ATP2C1: variants seen among roughly 807,000 people sequenced by gnomAD.
The protein encoded by ATP2C1 is calcium-transporting ATPase type 2C member 1.
Under a neutral mutation model 120.5 loss-of-function variants are expected in ATP2C1, and 31 were observed. That is an observed-to-expected ratio of 0.26 (90% CI 0.19 to 0.35). ATP2C1 has a LOEUF of 0.35. Ranked by LOEUF, ATP2C1 falls within the 10% of genes least tolerant of loss-of-function variation. The pLI is 1.00. For synonymous variants in ATP2C1, 351 were observed against 358.7 expected (o/e 0.98, Z 0.24); for missense variants, 731 against 1,107.5 (o/e 0.66, Z 4.83).
At chr3:131,013,214 C>T (rs2109044906) in intron 26 of ATP2C1, among the ~76,000 whole-genome samples, 1 of 152,288 alleles carries the variant, frequency 6.6e-6, no homozygotes, top group East Asian at 1.9e-4. Flanking sequence ...GCAGTATTTT[C>T]CAGAGCAGTA....
chr3:130,859,405 A>G (rs759633067), intron 1 of ATP2C1, among the ~76,000 whole-genome samples: 3 of 152,208 alleles, frequency 2.0e-5, no homozygotes, highest in Non-Finnish European at 2.9e-5. Flanking sequence ...CCACTTAACT[A>G]CTTCTAATCC....
chr3:130,977,595 C>T (rs747473035), intron 18 of ATP2C1, among the ~76,000 whole-genome samples: 1 of 152,132 alleles, frequency 6.6e-6, no homozygotes, highest in Non-Finnish European at 1.5e-5. Flanking sequence ...GTTTTCCTAC[C>T]TCATTATATT....
At chr3:130,982,075 T>C (rs1404891455) in intron 20 of ATP2C1, among the ~76,000 whole-genome samples, 3 of 152,202 alleles carry the variant, frequency 2.0e-5, no homozygotes, top group Non-Finnish European at 4.4e-5. Context: ...GCTTTTGATA[T>C]CTCAGAACTC....
chr3:130,908,985 T>G (rs1031174910), intron 2 of ATP2C1, among the ~76,000 whole-genome samples: 4 of 152,152 alleles, frequency 2.6e-5, no homozygotes, highest in African/African-American at 9.7e-5. Context: ...AGTTTTTAAT[T>G]TATCAAATGA....
chr3:131,000,949 G>A (rs1035497217), intron 27 of ATP2C1, among the ~76,000 whole-genome samples: 7 of 151,334 alleles, frequency 4.6e-5, no homozygotes, highest in Non-Finnish European at 7.4e-5. Flanking sequence ...CTAAAAATAC[G>A]AACATTAGCC....
chr3:130,916,553 CT>C (rs934809164), intron 2 of ATP2C1, among the ~76,000 whole-genome samples: 6 of 151,928 alleles, frequency 3.9e-5, no homozygotes, highest in Non-Finnish European at 7.4e-5. Context: ...TTTCTTTCTT[CT>C]TTTTTTCTTT....
chr3:130,960,446 C>T (rs765974563), intron 12 of ATP2C1, among the ~76,000 whole-genome samples: 16 of 152,140 alleles, frequency 1.1e-4, no homozygotes, highest in Non-Finnish European at 2.2e-4. Context: ...CTGCAAAGGA[C>T]ATGTCTAGTT....
At chr3:130,902,026 C>T (rs2057856228) in intron 2 of ATP2C1, among the ~76,000 whole-genome samples, 1 of 151,962 alleles carries the variant, frequency 6.6e-6, no homozygotes, top group African/African-American at 2.4e-5. Context: ...TTTTTTAGCC[C>T]CAGATGTCAA....
intron 2 of ATP2C1, among the ~76,000 whole-genome samples, chr3:130,915,741 A>T (rs556606036): frequency 1.3e-5 from 2 of 152,278 alleles, no homozygotes; most frequent in South Asian, 4.1e-4. Context: ...TAGGGTATGG[A>T]GTGTGCAGGC....
At chr3:130,865,717 A>G (rs2068153349) in intron 1 of ATP2C1, among the ~76,000 whole-genome samples, 1 of 152,162 alleles carries the variant, frequency 6.6e-6, no homozygotes, top group Non-Finnish European at 1.5e-5. Context: ...TGTTGCTGCC[A>G]CCATGTAAGA....
intron 2 of ATP2C1, among the ~76,000 whole-genome samples, chr3:130,898,378 A>G (rs778642596): frequency 4.6e-5 from 7 of 152,198 alleles, no homozygotes; most frequent in Non-Finnish European, 7.4e-5. Context: ...TTGCATTACT[A>G]TAGTTGGAGA....
intron 1 of ATP2C1, among the ~76,000 whole-genome samples, chr3:130,870,756 A>T (rs2068403248): frequency 6.6e-6 from 1 of 152,202 alleles, no homozygotes; most frequent in Non-Finnish European, 1.5e-5. Context: ...TGAAATGATG[A>T]CAAAGGATTT....
intron 2 of ATP2C1, among the ~76,000 whole-genome samples, chr3:130,920,554 C>A (rs553044826): frequency 1.3e-5 from 2 of 152,208 alleles, no homozygotes; most frequent in Non-Finnish European, 1.5e-5. Context: ...TATGCCAATA[C>A]CATACTGTTT....
At chr3:131,015,016 G>A (rs899210338) in intron 26 of ATP2C1, among the ~76,000 whole-genome samples, 2 of 152,146 alleles carry the variant, frequency 1.3e-5, no homozygotes, top group African/African-American at 4.8e-5. Context: ...GTTTTAAAAG[G>A]ATTTGTGGTA....
intron 27 of ATP2C1, among the ~76,000 whole-genome samples, chr3:130,999,994 T>C (rs2062811898): frequency 6.6e-6 from 1 of 152,218 alleles, no homozygotes; most frequent in Non-Finnish European, 1.5e-5. Context: ...TTAATCTCCC[T>C]GAAAACCAAG....
At chr3:130,880,005 A>G (rs553270070) in intron 1 of ATP2C1, among the ~76,000 whole-genome samples, 1 of 151,954 alleles carries the variant, frequency 6.6e-6, no homozygotes, top group East Asian at 1.9e-4. Flanking sequence ...TGGTCCTTTA[A>G]CCCCTATTTG....
intron 2 of ATP2C1, among the ~76,000 whole-genome samples, chr3:130,913,685 T>C (rs1425201435): frequency 2.0e-5 from 3 of 152,176 alleles, no homozygotes; most frequent in Non-Finnish European, 4.4e-5. Context: ...AGTTTGCTTT[T>C]GGTTAAAAAG....
At chr3:130,879,349 G>A (rs1486575597) in intron 1 of ATP2C1, among the ~76,000 whole-genome samples, 1 of 152,130 alleles carries the variant, frequency 6.6e-6, no homozygotes, top group Non-Finnish European at 1.5e-5. Context: ...TTACAGGTGT[G>A]AATCACCATG....
At chr3:130,885,689 CTA>C (rs745387883) in intron 1 of ATP2C1, among the ~76,000 whole-genome samples, 44 of 151,972 alleles carry the variant, frequency 2.9e-4, no homozygotes, top group Non-Finnish European at 5.3e-4. Context: ...TTTCATTGTA[CTA>C]TGTCTTGAAA....
Sources: gnomAD v4.1 joint callset for allele counts (sites outside exome capture counted in the v4.1 genomes callset) on GRCh38, gnomAD v4.1.1 for gene constraint, MANE v1.5 for transcripts, NCBI Gene and HGNC (gene_info 2026-07-23, HGNC 2026-07-21) for gene names.